The following KLHL29 variants were observed in gnomAD, a reference collection of about 807,000 sequenced individuals.
KLHL29 encodes the protein kelch-like protein 29.
In KLHL29, 21 loss-of-function variants were observed where a neutral mutation model predicts 80.4. That is an observed-to-expected ratio of 0.26 (90% CI 0.19 to 0.38). The LOEUF (loss-of-function observed/expected upper bound fraction) is 0.38. Among genes scored for constraint, KLHL29 ranks in the 10% least tolerant of loss-of-function variants. KLHL29 has a pLI of 1.00. For synonymous variants in KLHL29, 511 were observed against 526.8 expected (o/e 0.97, Z 0.41); for missense variants, 867 against 1,223.9 (o/e 0.71, Z 4.35).
In KLHL29 at chr2:23,671,083, G is replaced by C. The variant is rs554170995; in HGVS notation, c.941-13316G>C. On this transcript the variant is annotated intron_variant, in intron 5 of 13. Coordinates refer to ENST00000486442, the MANE Select transcript of KLHL29 (RefSeq NM_052920.2). Reference sequence around the variant, plus strand: ...CCCTGGATGGGATTCGCAGTGTTCTGAGCTGTCATTAGCTCCTGGCATCTG... The same window carrying C: ...CCCTGGATGGGATTCGCAGTGTTCTCAGCTGTCATTAGCTCCTGGCATCTG... Among the ~76,000 whole-genome samples, 32 of 149,112 alleles carry C rather than the reference G, an allele frequency of 2.1e-4. 2 individuals carry two copies. Among genetic ancestry groups the C allele is most frequent in the East Asian group, 1.2e-3 (6 of 4,868 alleles).
chr2:23,393,136 C>T (rs983690622), intron 1 of KLHL29, among the ~76,000 whole-genome samples: 2 of 151,886 alleles, frequency 1.3e-5, no homozygotes, highest in East Asian at 1.9e-4. Flanking sequence ...TGTTTGCATA[C>T]CGATGCATAG....
At chr2:23,597,383 G>GTGTATATATATATATATA in intron 3 of KLHL29, among the ~76,000 whole-genome samples, 1 of 23,578 alleles carries the variant, frequency 4.2e-5, no homozygotes, top group Admixed American at 5.2e-4. Flanking sequence ...GTGTGTGTGT[G>GTGTATATATATATATATA]TATATATATA....
At chr2:23,548,197 T>A (rs969618167) in intron 2 of KLHL29, among the ~76,000 whole-genome samples, 4 of 152,040 alleles carry the variant, frequency 2.6e-5, no homozygotes, top group African/African-American at 9.7e-5. Context: ...CTAAGATGAA[T>A]TCAGGGGTAC....
intron 3 of KLHL29, among the ~76,000 whole-genome samples, chr2:23,598,273 G>A (rs1262042693): frequency 6.6e-6 from 1 of 152,198 alleles, no homozygotes; most frequent in African/African-American, 2.4e-5. Flanking sequence ...AAAACCGAGG[G>A]TTAGGGAAGT....
intron 3 of KLHL29, among the ~76,000 whole-genome samples, chr2:23,620,861 T>C (rs1013598349): frequency 1.3e-5 from 2 of 152,228 alleles, no homozygotes; most frequent in East Asian, 3.9e-4. Flanking sequence ...AACAGGCCAG[T>C]GTGTGCTGCC....
rs1671039621 is a variant in KLHL29 at position 23,680,296 on chromosome 2, G to A, written c.941-4103G>A. On this transcript the variant is annotated intron_variant, in intron 5 of 13. Coordinates refer to ENST00000486442, the MANE Select transcript of KLHL29 (RefSeq NM_052920.2). The surrounding 1 kb of genome is among the most constrained non-coding windows in gnomAD (Gnocchi z 4.1). ...GGAAGGCCTGCGGATTGCGGGCAGT[G>A]GACCGTCTTCCACGGGAAGAGGAGC... 6.6e-6 allele frequency among the ~76,000 whole-genome samples: 1 copy of A among 152,130 alleles called. No individual in the cohort carries two copies. The highest frequency in any genetic ancestry group is 1.5e-5 in the Non-Finnish European group (1 of 68,020).
chr2:23,682,333 A>T lies in KLHL29; in HGVS notation c.941-2066A>T, dbSNP rs1327914596. On this transcript the variant is annotated intron_variant, in intron 5 of 13. Transcript: ENST00000486442. The surrounding 1 kb of genome is among the most constrained non-coding windows in gnomAD (Gnocchi z 4.1). ...AAGTGTGGACCCTGAGGCTCTGAGGATGTGGGTCCCCTTTCCCAAGGTCAC... is the reference window on the plus strand; with the variant it reads ...AAGTGTGGACCCTGAGGCTCTGAGGTTGTGGGTCCCCTTTCCCAAGGTCAC... Among the ~76,000 whole-genome samples, 3 of 152,048 alleles carry T rather than the reference A, an allele frequency of 2.0e-5. No individual in the cohort carries two copies. Among genetic ancestry groups the T allele is most frequent in the Admixed American group, 6.5e-5 (1 of 15,274 alleles).
intron 1 of KLHL29, among the ~76,000 whole-genome samples, chr2:23,410,323 G>A (rs1666832949): frequency 6.6e-6 from 1 of 151,944 alleles, no homozygotes; most frequent in African/African-American, 2.4e-5. Flanking sequence ...AGGTAAATGG[G>A]CAGGCTGGGG....
intron 2 of KLHL29, among the ~76,000 whole-genome samples, chr2:23,526,392 T>C (rs1027486458): frequency 1.3e-5 from 2 of 152,192 alleles, no homozygotes; most frequent in African/African-American, 2.4e-5. Context: ...GGACAGCCCA[T>C]GCGTGACTAA....
At chr2:23,586,193 AAAT>A (rs1317578248) in intron 3 of KLHL29, among the ~76,000 whole-genome samples, 2 of 152,114 alleles carry the variant, frequency 1.3e-5, no homozygotes, top group Non-Finnish European at 2.9e-5. Context: ...GCGATACATA[AAAT>A]AAAATTTGCC....
In KLHL29 at chr2:23,695,979, G is replaced by C. The variant is rs777404018; in HGVS notation, c.1770G>C (p.Gly590=). ...TGGCTGAGGTCATCGTCTTGGTTGG[G>C]GGCCGTCAGATGGTGGGGATGACCC... ...AGVAEVIVLV[G]GRQMVGMTQR... The change falls in exon 10 of 14, where the codon GGG becomes GGC. Residue 590 remains glycine, a synonymous_variant. Coordinates refer to ENST00000486442, the MANE Select transcript of KLHL29 (RefSeq NM_052920.2). This position sits in a 1 kb window ranked among gnomAD's most constrained non-coding sequence, Gnocchi z 7.6. The C allele has an allele frequency of 3.9e-6, 6 of 1,551,578 alleles. No individual in the cohort carries two copies. The highest frequency in any genetic ancestry group is 4.4e-6 in the Non-Finnish European group (5 of 1,146,978).
intron 2 of KLHL29, among the ~76,000 whole-genome samples, chr2:23,522,901 G>A (rs1558371550): frequency 6.6e-6 from 1 of 152,250 alleles, no homozygotes; most frequent in Non-Finnish European, 1.5e-5. Flanking sequence ...CTGTGCAGAT[G>A]TGAGGACCTG....
chr2:23,696,117 C>T lies in KLHL29; in HGVS notation c.1908C>T (p.Asp636=). 1 of 1,551,520 alleles carries T rather than the reference C, an allele frequency of 6.4e-7. No homozygotes were observed. ...REFFSVVSAG[D]NIYLSGGMES... ...TCTTCAGTGTAGTGAGTGCAGGGGA[C>T]AACATCTACCTCTCAGGTGAGGCCC... The change falls in exon 10 of 14, where the codon GAC becomes GAT. Residue 636 remains aspartate (D), a synonymous_variant. Coordinates refer to ENST00000486442, the MANE Select transcript of KLHL29 (RefSeq NM_052920.2). The surrounding 1 kb of genome is among the most constrained non-coding windows in gnomAD (Gnocchi z 5.5).
intron 1 of KLHL29, among the ~76,000 whole-genome samples, chr2:23,456,665 C>T (rs1664060495): frequency 6.6e-6 from 1 of 152,238 alleles, no homozygotes; most frequent in Non-Finnish European, 1.5e-5. Flanking sequence ...CTGTTCCTGC[C>T]ACATTGCACG....
chr2:23,386,517 A>AGCGGCCAGGAGGTGGTG (rs1290973810), intron 1 of KLHL29, among the ~76,000 whole-genome samples: 1 of 152,122 alleles, frequency 6.6e-6, no homozygotes, highest in Non-Finnish European at 1.5e-5. Context: ...GGGACGGCGA[A>AGCGGCCAGGAGGTGGTG]GCGGCCAGGA....
At chr2:23,536,916 A>ACTCTCTCTCTCTCCCTCTCTCG (rs1187760259) in intron 2 of KLHL29, among the ~76,000 whole-genome samples, 846 of 52,628 alleles carry the variant, frequency 0.016, 7 homozygotes, top group African/African-American at 0.07. Context: ...ACACACACAC[A>ACTCTCTCTCTCTCCCTCTCTCG]CACTCTCTCT....
intron 1 of KLHL29, among the ~76,000 whole-genome samples, chr2:23,438,795 G>C (rs1663422995): frequency 6.6e-6 from 1 of 152,088 alleles, no homozygotes; most frequent in African/African-American, 2.4e-5. Context: ...TCTTTGCCAG[G>C]CTTTGGTATC....
intron 1 of KLHL29, among the ~76,000 whole-genome samples, chr2:23,453,766 A>G (rs368578173): frequency 2.6e-5 from 4 of 152,252 alleles, no homozygotes; most frequent in African/African-American, 9.6e-5. Flanking sequence ...AGAAAAAGCA[A>G]GATCATAAAA....
intron 2 of KLHL29, among the ~76,000 whole-genome samples, chr2:23,522,229 A>G (rs1666127497): frequency 6.6e-6 from 1 of 151,254 alleles, no homozygotes; most frequent in Non-Finnish European, 1.5e-5. Context: ...GCTCATGGCA[A>G]CCTCCCCACC....
Sources: allele counts gnomAD v4.1 joint callset (sites outside exome capture counted in the v4.1 genomes callset), GRCh38; gene constraint gnomAD v4.1.1; non-coding constraint Gnocchi (gnomAD v3.1); transcripts MANE v1.5; gene names NCBI Gene and HGNC (gene_info 2026-07-23, HGNC 2026-07-21).